The following TAOK1 variants were observed in gnomAD, a reference collection of about 807,000 sequenced individuals.
The protein encoded by TAOK1 is TAO kinase 1.
A neutral mutation model predicts 138.3 loss-of-function variants in TAOK1; 21 were observed. That is an observed-to-expected ratio of 0.15 (90% CI 0.11 to 0.22). TAOK1 has a LOEUF of 0.22. Ranked by LOEUF, TAOK1 falls within the 10% of genes least tolerant of loss-of-function variation. TAOK1 has a pLI of 1.00. For synonymous variants in TAOK1, 361 were observed against 398.4 expected, an observed-to-expected ratio of 0.91 and a Z score of 1.12; for missense variants, 651 against 1,227.7, an observed-to-expected ratio of 0.53 and a Z score of 7.02.
intron 1 of TAOK1, among the ~76,000 whole-genome samples, chr17:29,440,856 A>G (rs540317719): frequency 1.3e-5 from 2 of 152,270 alleles, no homozygotes; most frequent in South Asian, 2.1e-4. Flanking sequence ...GATTACAGGC[A>G]TGAGCCACCG....
chr17:29,467,662 G>A (rs939571797), intron 3 of TAOK1, among the ~76,000 whole-genome samples: 8 of 152,004 alleles, frequency 5.3e-5, no homozygotes, highest in Non-Finnish European at 1.0e-4. Flanking sequence ...AACAGGTGAA[G>A]TATACACATC....
At chr17:29,493,485 C>T (rs907634386) in intron 10 of TAOK1, among the ~76,000 whole-genome samples, 1 of 149,842 alleles carries the variant, frequency 6.7e-6, no homozygotes, top group African/African-American at 2.5e-5. Flanking sequence ...TAAGAGGAAG[C>T]TCCATCTCGA....
chr17:29,517,331 G>A lies in TAOK1; in HGVS notation c.1705-122G>A, dbSNP rs145418106. 1.1e-4 allele frequency: 95 copies of A among 855,230 alleles called. No homozygotes were observed. The African/African-American group carries it at 1.5e-3, about 14-fold the overall frequency. The allele number at this position is 855,230 out of a possible 1,614,324, so 53.0% of individuals were successfully genotyped here. ...GAGACAGTTTCGCCATGTTGGCCAG[G>A]CTAGTCTCAAACTCCTGACCTCAGG... On this transcript the variant is annotated intron_variant, in intron 15 of 19. Coordinates refer to ENST00000261716, the MANE Select transcript of TAOK1 (RefSeq NM_020791.4).
chr17:29,477,563 C>T (rs1368291588), intron 4 of TAOK1, 98 bp from the exon 5 acceptor site: 1 of 577,882 alleles, frequency 1.7e-6, no homozygotes, highest in East Asian at 5.6e-5. Context: ...TTACTTCAAA[C>T]TATGTTCTTG....
intron 1 of TAOK1, among the ~76,000 whole-genome samples, chr17:29,408,545 G>A (rs1339142901): frequency 6.6e-6 from 1 of 151,910 alleles, no homozygotes; most frequent in Non-Finnish European, 1.5e-5. Context: ...ATTTTACCAA[G>A]CTTTAATTTA....
chr17:29,469,288 T>C (rs1232377975), intron 3 of TAOK1, among the ~76,000 whole-genome samples: 2 of 134,688 alleles, frequency 1.5e-5, no homozygotes, highest in East Asian at 2.4e-4. Flanking sequence ...TTCTCTTTAA[T>C]CTTTAAATTT....
At chr17:29,530,922 T>C in intron 18 of TAOK1, among the ~76,000 whole-genome samples, 1 of 150,024 alleles carries the variant, frequency 6.7e-6, no homozygotes, top group Non-Finnish European at 1.5e-5. Flanking sequence ...GGTATGATTA[T>C]AATGGGAATA....
chr17:29,472,837 A>G (rs145049550), intron 3 of TAOK1, among the ~76,000 whole-genome samples: 5,098 of 152,180 alleles, frequency 0.033, 295 homozygotes, highest in African/African-American at 0.12. Flanking sequence ...CGGCCTCCCA[A>G]AGTGCTGGGA....
intron 3 of TAOK1, among the ~76,000 whole-genome samples, chr17:29,468,427 G>A (rs918369217): frequency 1.5e-4 from 23 of 151,858 alleles, no homozygotes; most frequent in African/African-American, 5.3e-4. Flanking sequence ...GTAAGCCACC[G>A]CTCCCAGCCT....
chr17:29,421,660 GC>G (rs1165937186), intron 1 of TAOK1, among the ~76,000 whole-genome samples: 3 of 150,006 alleles, frequency 2.0e-5, no homozygotes, highest in African/African-American at 7.4e-5. Flanking sequence ...GTGTAGTGGT[GC>G]CATCACAGCC....
intron 7 of TAOK1, 80 bp from the exon 8 acceptor site, chr17:29,482,117 A>G: frequency 9.8e-7 from 1 of 1,020,216 alleles, no homozygotes; most frequent in Non-Finnish European, 1.5e-6. Context: ...AGTGATCTCC[A>G]TGTAGATGAC....
intron 8 of TAOK1, among the ~76,000 whole-genome samples, chr17:29,486,382 CAGCACTTTGGG>C (rs1213798321): frequency 6.6e-6 from 1 of 152,134 alleles, no homozygotes; most frequent in East Asian, 1.9e-4. Context: ...CCTGTAATCC[CAGCACTTTGGG>C]AGGCCAAGGC....
chr17:29,453,749 GAGTT>G (rs1004898207), intron 2 of TAOK1, among the ~76,000 whole-genome samples: 13 of 150,878 alleles, frequency 8.6e-5, no homozygotes, highest in Non-Finnish European at 1.5e-4. Context: ...GCTATATTTT[GAGTT>G]AGTTTTTATA....
intron 2 of TAOK1, among the ~76,000 whole-genome samples, chr17:29,458,529 G>A (rs187304519): frequency 5.9e-5 from 9 of 152,052 alleles, no homozygotes; most frequent in Non-Finnish European, 1.3e-4. Flanking sequence ...ACGAAGTCTC[G>A]CTCTCTTACC....
chr17:29,400,892 T>G (rs1451153143), intron 1 of TAOK1, among the ~76,000 whole-genome samples: 1 of 147,390 alleles, frequency 6.8e-6, no homozygotes, highest in Non-Finnish European at 1.5e-5. Flanking sequence ...TATGGGAAAC[T>G]TTTGTTTGCC....
chr17:29,532,791 T>C (rs1261971430), intron 18 of TAOK1, among the ~76,000 whole-genome samples: 1 of 151,172 alleles, frequency 6.6e-6, no homozygotes, highest in African/African-American at 2.4e-5. Flanking sequence ...ATCTTTTCCC[T>C]ACCTTTCCCC....
chr17:29,513,658 G>C (rs1438082618), intron 15 of TAOK1: 3 of 152,102 alleles, frequency 2.0e-5, no homozygotes, highest in Admixed American at 2.0e-4. Context: ...AGATACCCAG[G>C]TATGGCCAGG....
chr17:29,397,627 T>TTCATGTATG (rs1204278700), intron 1 of TAOK1, among the ~76,000 whole-genome samples: 1 of 44,746 alleles, frequency 2.2e-5, no homozygotes, highest in Non-Finnish European at 3.8e-5. Context: ...TATATATATA[T>TTCATGTATG]ATACATGTAT....
chr17:29,395,646 CTTTTTTTTT>C (rs10591199), intron 1 of TAOK1, among the ~76,000 whole-genome samples: 15 of 129,764 alleles, frequency 1.2e-4, no homozygotes, highest in East Asian at 2.2e-4. Context: ...GGTATGTGTA[CTTTTTTTTT>C]TTTTTTTTTT....
Sources: allele counts gnomAD v4.1 joint callset (sites outside exome capture counted in the v4.1 genomes callset), GRCh38; gene constraint gnomAD v4.1.1; transcripts MANE v1.5; gene names NCBI Gene and HGNC (gene_info 2026-07-23, HGNC 2026-07-21).